Variants in RCAN1 observed in about 807,000 individuals in gnomAD.
RCAN1 encodes the protein calcipressin-1.
Under a neutral mutation model 22.9 loss-of-function variants are expected in RCAN1, and 11 were observed. That is an observed-to-expected ratio of 0.48 (90% CI 0.30 to 0.79). The LOEUF is 0.79. RCAN1 is among the 30% of genes least tolerant of loss of function. The pLI, the probability that RCAN1 is intolerant of heterozygous loss-of-function variation, is 0.06. For missense variants in RCAN1, 291 were observed against 337.8 expected, an observed-to-expected ratio of 0.86 and a Z score of 1.09; for synonymous variants, 136 against 142.3, an observed-to-expected ratio of 0.96 and a Z score of 0.32.
chr21:34,562,084 G>A (rs1986812566), intron 1 of RCAN1, among the ~76,000 whole-genome samples: 1 of 152,192 alleles, frequency 6.6e-6, no homozygotes, highest in Admixed American at 6.5e-5. Flanking sequence ...CTTTCTGTGA[G>A]GTCATACTGA....
At chr21:34,603,324 C>T (rs1988420303) in intron 1 of RCAN1, among the ~76,000 whole-genome samples, 1 of 151,904 alleles carries the variant, frequency 6.6e-6, no homozygotes, top group African/African-American at 2.4e-5. Flanking sequence ...CTACCTGCGG[C>T]CTGGGGACAG....
chr21:34,607,984 T>C (rs182601495), intron 1 of RCAN1, among the ~76,000 whole-genome samples: 3 of 152,306 alleles, frequency 2.0e-5, no homozygotes, highest in Admixed American at 1.3e-4. Context: ...GAACTGTGCA[T>C]GTGAGGGATC....
At chr21:34,560,152 A>G (rs778502394) in intron 1 of RCAN1, 1 of 152,334 alleles carries the variant, frequency 6.6e-6, no homozygotes, top group Middle Eastern at 3.4e-3. Flanking sequence ...AATTTGCCTA[A>G]GCGAGCAAAA....
chr21:34,546,657 T>C (rs1197066964), intron 1 of RCAN1, among the ~76,000 whole-genome samples: 1 of 152,146 alleles, frequency 6.6e-6, no homozygotes, highest in Admixed American at 6.5e-5. Context: ...ATTATGAGTC[T>C]CCAACTCAGA....
At chr21:34,596,035 T>C (rs1988139776) in intron 1 of RCAN1, among the ~76,000 whole-genome samples, 1 of 152,118 alleles carries the variant, frequency 6.6e-6, no homozygotes, top group Admixed American at 6.5e-5. Context: ...GACATCTTAG[T>C]GTGGATCAGT....
chr21:34,555,550 C>T (rs914883934), intron 1 of RCAN1, among the ~76,000 whole-genome samples: 15 of 144,832 alleles, frequency 1.0e-4, no homozygotes, highest in Admixed American at 2.7e-4. Context: ...TCCAGCCTGG[C>T]GACAGAGCAA....
intron 3 of RCAN1, among the ~76,000 whole-genome samples, chr21:34,520,120 G>A (rs1422405767): frequency 1.3e-5 from 2 of 152,208 alleles, no homozygotes; most frequent in African/African-American, 2.4e-5. Flanking sequence ...AAGCACAGGT[G>A]AAATATGAAA....
chr21:34,570,640 C>CT (rs56226026), intron 1 of RCAN1, among the ~76,000 whole-genome samples: 5,671 of 134,742 alleles, frequency 0.042, 146 homozygotes, highest in Non-Finnish European at 0.061. Flanking sequence ...ATAGTGGACT[C>CT]TTTTTTTTTT....
At chr21:34,539,425 C>T (rs184647235) in intron 1 of RCAN1, among the ~76,000 whole-genome samples, 2 of 152,150 alleles carry the variant, frequency 1.3e-5, no homozygotes, top group African/African-American at 4.8e-5. Context: ...GTTTATTGTT[C>T]TCATTTTGGT....
At chr21:34,564,477 C>T (rs577529264) in intron 1 of RCAN1, among the ~76,000 whole-genome samples, 1 of 152,190 alleles carries the variant, frequency 6.6e-6, no homozygotes, top group Non-Finnish European at 1.5e-5. Context: ...CCCTGGGCCG[C>T]CCAGAGCCTG....
intron 1 of RCAN1, among the ~76,000 whole-genome samples, chr21:34,606,822 C>T (rs535737329): frequency 1.1e-4 from 16 of 152,298 alleles, no homozygotes; most frequent in Middle Eastern, 3.4e-3. Context: ...GGAGAGGCCT[C>T]ACCAGAAAGA....
chr21:34,518,366 G>A lies in RCAN1; in HGVS notation c.587-110C>T, dbSNP rs539470115. On this transcript the variant is annotated intron_variant, in intron 3 of 3. Transcript: ENST00000313806. The surrounding 1 kb of genome is among the most constrained non-coding windows in gnomAD (Gnocchi z 4.2). Reference sequence around the variant, plus strand: ...CTGGGCCAGCTGCTCGTGACCATTCGATTGGGCTGAGAGACACAGCCAGAC... The same window carrying A: ...CTGGGCCAGCTGCTCGTGACCATTCAATTGGGCTGAGAGACACAGCCAGAC... 141 of 1,161,636 alleles carry A rather than the reference G, an allele frequency of 1.2e-4. 1 individual carries two copies. In the African/African-American group the frequency reaches 1.9e-3, roughly 16 times the overall value. The allele number at this position is 1,161,636 out of a possible 1,614,324, so 72.0% of individuals were successfully genotyped here.
intron 1 of RCAN1, among the ~76,000 whole-genome samples, chr21:34,527,616 G>A (rs1458403017): frequency 1.3e-5 from 2 of 152,114 alleles, no homozygotes; most frequent in Non-Finnish European, 2.9e-5. Flanking sequence ...CTGAATTCAG[G>A]CAAAGGATAC....
Position 34,537,046 on chromosome 21 carries a change from G to A in RCAN1, c.253-13336C>T, listed in dbSNP as rs923843097. Reference sequence around the variant, plus strand: ...CTGCATTTGGCCTGCATTCTTTGCTGATGACTTAAAAGCCTGATAACAAGT... The same window carrying A: ...CTGCATTTGGCCTGCATTCTTTGCTAATGACTTAAAAGCCTGATAACAAGT... On this transcript the variant is annotated intron_variant, in intron 1 of 3. Transcript: ENST00000313806. Among the ~76,000 whole-genome samples the A allele has an allele frequency of 3.9e-5, 6 of 152,182 alleles. No individual in the cohort carries two copies. The South Asian group carries it at 1.2e-3, about 31-fold the overall frequency.
chr21:34,553,883 T>G (rs1986458646), intron 1 of RCAN1, among the ~76,000 whole-genome samples: 1 of 152,156 alleles, frequency 6.6e-6, no homozygotes, highest in South Asian at 2.1e-4. Context: ...GCAAAGGGGA[T>G]AAGAAGCAGC....
chr21:34,530,825 A>T (rs1985355981), intron 1 of RCAN1, among the ~76,000 whole-genome samples: 1 of 151,898 alleles, frequency 6.6e-6, no homozygotes, highest in Non-Finnish European at 1.5e-5. Context: ...GGGTTTCACC[A>T]TGTTGGTCAG....
At chr21:34,588,945 G>C (rs1601203752) in intron 1 of RCAN1, among the ~76,000 whole-genome samples, 1 of 152,190 alleles carries the variant, frequency 6.6e-6, no homozygotes, top group Non-Finnish European at 1.5e-5. Flanking sequence ...CAAATACTTA[G>C]AAACCTAAAG....
intron 1 of RCAN1, among the ~76,000 whole-genome samples, chr21:34,530,781 C>T (rs953877027): frequency 2.6e-5 from 4 of 151,916 alleles, no homozygotes; most frequent in Non-Finnish European, 5.9e-5. Flanking sequence ...CCTGCCACCA[C>T]GCCCAGCTAA....
At chr21:34,529,769 C>T (rs2123599401) in intron 1 of RCAN1, among the ~76,000 whole-genome samples, 1 of 152,262 alleles carries the variant, frequency 6.6e-6, no homozygotes, top group South Asian at 2.1e-4. Context: ...GGGCTGTGTC[C>T]CCACCAAAAT....
Sources: gnomAD v4.1 joint callset for allele counts (sites outside exome capture counted in the v4.1 genomes callset) on GRCh38, gnomAD v4.1.1 for gene constraint, Gnocchi (gnomAD v3.1) non-coding constraint, MANE v1.5 for transcripts, NCBI Gene and HGNC (gene_info 2026-07-23, HGNC 2026-07-21) for gene names.